Variants in CNNM4 observed in about 807,000 individuals in gnomAD.
CNNM4 encodes the protein cyclin and CBS domain divalent metal cation transport mediator 4.
A neutral mutation model predicts 53.7 loss-of-function variants in CNNM4; 32 were observed. The ratio of observed to expected loss-of-function variants is 0.60; its 90% CI spans 0.45 to 0.80. The LOEUF (loss-of-function observed/expected upper bound fraction) is 0.80, where lower values mean the gene tolerates loss of function less well. Among genes scored for constraint, CNNM4 ranks in the 30% least tolerant of loss-of-function variants. The pLI, the probability that CNNM4 is intolerant of heterozygous loss-of-function variation, is 0.00. For synonymous variants in CNNM4, 410 were observed against 440.0 expected, an observed-to-expected ratio of 0.93 and a Z score of 0.85; for missense variants, 784 against 1,022.0, an observed-to-expected ratio of 0.77 and a Z score of 3.17.
In CNNM4 at chr2:96,801,381, CAGAG is replaced by C. The variant is rs980722667; in HGVS notation, c.1948+1737_1948+1740del. On this transcript the variant is annotated intron_variant, in intron 5 of 6. Coordinates refer to ENST00000377075, the MANE Select transcript of CNNM4 (RefSeq NM_020184.4). This position sits in a 1 kb window ranked among gnomAD's most constrained non-coding sequence, Gnocchi z 5.6. ...ATAGACACATACACACAGAGACACA[CAGAG>C]AGATACACATACAGATACACATAGC... is the stretch of plus-strand genomic sequence containing the variant. 6.6e-6 allele frequency among the ~76,000 whole-genome samples: 1 copy of C among 152,030 alleles called. No individual in the cohort carries two copies. Among genetic ancestry groups the C allele is most frequent in the Non-Finnish European group, 1.5e-5 (1 of 68,014 alleles).
chr2:96,799,294 C>T (rs574310828), intron 4 of CNNM4, 68 bp downstream of exon 4: 2 of 1,584,358 alleles, frequency 1.3e-6, no homozygotes, highest in South Asian at 2.2e-5. Context: ...CAGGCCCTCT[C>T]TCCCACCTGC....
At chr2:96,769,673 G>A (rs2078851366) in intron 1 of CNNM4, among the ~76,000 whole-genome samples, 1 of 152,120 alleles carries the variant, frequency 6.6e-6, no homozygotes. Flanking sequence ...GAGAACCAAG[G>A]GGGCACGCTA....
At chr2:96,773,261 T>C (rs577912902) in intron 1 of CNNM4, among the ~76,000 whole-genome samples, 1 of 152,228 alleles carries the variant, frequency 6.6e-6, no homozygotes, top group African/African-American at 2.4e-5. Flanking sequence ...TCATCCACAT[T>C]GAAGACTGTG....
chr2:96,785,661 G>A (rs959169737), intron 1 of CNNM4, among the ~76,000 whole-genome samples: 4 of 151,364 alleles, frequency 2.6e-5, no homozygotes, highest in African/African-American at 9.7e-5. Flanking sequence ...AAAATTAGCT[G>A]GGCGTGGTAG....
At position 96,797,229 on chromosome 2, in the gene CNNM4, G is replaced by A; in HGVS notation, c.1546+74G>A. ...GAAACTTGGTGTCCCTAGCTGGAAG[G>A]GCCATAGTGCAGGGACACAGGAGGC... On this transcript the variant is annotated intron_variant, in intron 2 of 6. Coordinates refer to ENST00000377075, the MANE Select transcript of CNNM4 (RefSeq NM_020184.4). This position sits in a 1 kb window ranked among gnomAD's most constrained non-coding sequence, Gnocchi z 6.0. 2.5e-6 allele frequency: 4 copies of A among 1,594,682 alleles called. No homozygotes were observed. Among genetic ancestry groups the A allele is most frequent in the Non-Finnish European group, 3.4e-6 (4 of 1,166,262 alleles).
chr2:96,771,585 A>G (rs764436197), intron 1 of CNNM4, among the ~76,000 whole-genome samples: 5 of 152,048 alleles, frequency 3.3e-5, no homozygotes, highest in East Asian at 1.9e-4. Flanking sequence ...GTGGTGGTGC[A>G]TGCCTGTAAT....
intron 5 of CNNM4, among the ~76,000 whole-genome samples, chr2:96,805,566 C>G (rs1255734098): frequency 7.9e-6 from 1 of 125,862 alleles, no homozygotes; most frequent in African/African-American, 3.1e-5. Context: ...ACAAAGGTCT[C>G]TGGTTTTCCT....
chr2:96,793,754 A>C (rs878930832), intron 1 of CNNM4, among the ~76,000 whole-genome samples: 1 of 152,228 alleles, frequency 6.6e-6, no homozygotes, highest in Admixed American at 6.5e-5. Context: ...ACTTGAGGTC[A>C]GGAGTTCGAG....
chr2:96,791,351 GC>G (rs2079060916), intron 1 of CNNM4, among the ~76,000 whole-genome samples: 2 of 152,010 alleles, frequency 1.3e-5, no homozygotes, highest in African/African-American at 4.8e-5. Context: ...GGTGGCATCG[GC>G]TGGGTACAGT....
At chr2:96,763,548 G>A (rs2078784805) in intron 1 of CNNM4, among the ~76,000 whole-genome samples, 1 of 152,204 alleles carries the variant, frequency 6.6e-6, no homozygotes, top group African/African-American at 2.4e-5. Context: ...AGCTCCTACT[G>A]GCTGAGGCTG....
chr2:96,788,314 A>G (rs1296708517), intron 1 of CNNM4, among the ~76,000 whole-genome samples: 1 of 146,772 alleles, frequency 6.8e-6, no homozygotes, highest in Non-Finnish European at 1.5e-5. Context: ...GCGAGTATAG[A>G]GTGTATGGCC....
chr2:96,771,080 C>T (rs532403740), intron 1 of CNNM4, among the ~76,000 whole-genome samples: 5 of 152,116 alleles, frequency 3.3e-5, no homozygotes, highest in African/African-American at 9.7e-5. Context: ...GCTGTCTGGC[C>T]GGTAGCTGCC....
chr2:96,808,814 AAACCC>A lies in CNNM4; in HGVS notation c.2130+74_2130+78del. 1 of 1,509,276 alleles carries A rather than the reference AAACCC, an allele frequency of 6.6e-7. No homozygotes were observed. The highest frequency in any genetic ancestry group is 9.2e-7 in the Non-Finnish European group (1 of 1,088,274). The allele number at this position is 1,509,276 out of a possible 1,614,324, so 93.5% of individuals were successfully genotyped here. ...GAATCAGCTACTACTTTCATCCACC[AAACCC>A]AGCATGGTGGGCCCAAACCCGAGAT... On this transcript the variant is annotated intron_variant, in intron 6 of 6. Transcript: ENST00000377075. This position sits in a 1 kb window ranked among gnomAD's most constrained non-coding sequence, Gnocchi z 4.9.
intron 1 of CNNM4, among the ~76,000 whole-genome samples, chr2:96,780,090 G>A (rs969557078): frequency 6.6e-5 from 10 of 151,566 alleles, no homozygotes; most frequent in Admixed American, 3.9e-4. Flanking sequence ...AGGAGCCACC[G>A]CGCCTGGCCA....
intron 4 of CNNM4, 97 bp downstream of exon 4, chr2:96,799,323 C>T: frequency 2.6e-6 from 4 of 1,522,202 alleles, no homozygotes; most frequent in Non-Finnish European, 3.6e-6. Flanking sequence ...TGCATGGCTT[C>T]CCTGCCTGGG....
At position 96,799,207 on chromosome 2, in the gene CNNM4, ACTT is replaced by A; in HGVS notation, c.1834_1836del (p.Phe612del). 6.2e-7 allele frequency: 1 copy of A among 1,614,168 alleles called. No individual in the cohort carries two copies. The highest frequency in any genetic ancestry group is 8.5e-7 in the Non-Finnish European group (1 of 1,180,024). ...TACACCCGAAATAAGCCGGCCGACT[ACTT>A]CATCCTCATCCTGCAGGTGAGCCCG... On this transcript the variant is annotated inframe_deletion, in exon 4 of 7. Transcript: ENST00000377075.
At chr2:96,765,602 ATTCT>A (rs1258211438) in intron 1 of CNNM4, among the ~76,000 whole-genome samples, 1 of 151,952 alleles carries the variant, frequency 6.6e-6, no homozygotes, top group African/African-American at 2.4e-5. Flanking sequence ...GGGCCTTTGT[ATTCT>A]TTCTTTCCCC....
At chr2:96,803,805 T>A (rs2079178843) in intron 5 of CNNM4, among the ~76,000 whole-genome samples, 2 of 152,044 alleles carry the variant, frequency 1.3e-5, no homozygotes, top group South Asian at 4.1e-4. Context: ...ATTGGGAAAA[T>A]AGAAAAAAGT....
intron 1 of CNNM4, among the ~76,000 whole-genome samples, chr2:96,773,970 A>G (rs974432848): frequency 2.0e-5 from 3 of 152,196 alleles, no homozygotes; most frequent in South Asian, 2.1e-4. Flanking sequence ...TCTGAACCCC[A>G]GTGTATATAG....
Sources: gnomAD v4.1 joint callset for allele counts (sites outside exome capture counted in the v4.1 genomes callset) on GRCh38, gnomAD v4.1.1 for gene constraint, Gnocchi (gnomAD v3.1) non-coding constraint, MANE v1.5 for transcripts, NCBI Gene and HGNC (gene_info 2026-07-23, HGNC 2026-07-21) for gene names.